Variants in NR5A2 observed in about 807,000 individuals in gnomAD.
NR5A2 encodes the protein CYP7A promoter-binding factor.
A neutral mutation model predicts 62.7 loss-of-function variants in NR5A2; 26 were observed. The ratio of observed to expected loss-of-function variants is 0.41; its 90% CI spans 0.30 to 0.58. NR5A2 has a LOEUF of 0.58. Ranked by LOEUF, NR5A2 falls within the 20% of genes least tolerant of loss-of-function variation. The pLI is 0.22. For synonymous variants in NR5A2, 246 were observed against 241.7 expected, an observed-to-expected ratio of 1.02 and a Z score of -0.16; for missense variants, 541 against 669.1, an observed-to-expected ratio of 0.81 and a Z score of 2.11.
chr1:200,028,217 A>C (rs76470936), intron 1 of NR5A2, among the ~76,000 whole-genome samples: 4,493 of 152,186 alleles, frequency 0.03, 216 homozygotes, highest in African/African-American at 0.098. Context: ...ATTTTCTGAT[A>C]ATTTTTAATC....
At chr1:200,056,214 C>T (rs1662911780) in intron 5 of NR5A2, among the ~76,000 whole-genome samples, 1 of 152,212 alleles carries the variant, frequency 6.6e-6, no homozygotes, top group Non-Finnish European at 1.5e-5. Flanking sequence ...TTCTTGCTCA[C>T]AATTCACTGA....
At chr1:200,140,285 C>T (rs1667391005) in intron 7 of NR5A2, among the ~76,000 whole-genome samples, 1 of 151,998 alleles carries the variant, frequency 6.6e-6, no homozygotes, top group African/African-American at 2.4e-5. Flanking sequence ...CTATGTTGCC[C>T]AGGCTGGTCT....
intron 7 of NR5A2, among the ~76,000 whole-genome samples, chr1:200,161,120 C>G (rs1399361385): frequency 6.6e-6 from 1 of 152,086 alleles, no homozygotes; most frequent in Non-Finnish European, 1.5e-5. Flanking sequence ...AAGGCAGCTG[C>G]AATTGTGTCT....
intron 5 of NR5A2, among the ~76,000 whole-genome samples, chr1:200,081,865 A>G (rs901708791): frequency 1.3e-5 from 2 of 150,232 alleles, no homozygotes; most frequent in African/African-American, 4.9e-5. Context: ...TCTCCCTGAC[A>G]CTTTGTATTT....
At chr1:200,072,844 G>A (rs1663801251) in intron 5 of NR5A2, among the ~76,000 whole-genome samples, 1 of 152,114 alleles carries the variant, frequency 6.6e-6, no homozygotes, top group Admixed American at 6.5e-5. Context: ...ATCTCCATGA[G>A]CCTTGTATTC....
chr1:200,074,674 C>T (rs1663927365), intron 5 of NR5A2, among the ~76,000 whole-genome samples: 1 of 139,602 alleles, frequency 7.2e-6, no homozygotes, highest in African/African-American at 2.7e-5. Context: ...GAGGTGGAGC[C>T]TGCAGTGAGC....
intron 7 of NR5A2, among the ~76,000 whole-genome samples, chr1:200,166,509 A>G (rs1338979052): frequency 6.6e-6 from 1 of 152,236 alleles, no homozygotes; most frequent in African/African-American, 2.4e-5. Context: ...AAAACCATTC[A>G]TTCGCATATC....
At chr1:200,105,299 A>G (rs1665594339) in intron 5 of NR5A2, among the ~76,000 whole-genome samples, 1 of 151,980 alleles carries the variant, frequency 6.6e-6, no homozygotes, top group Admixed American at 6.6e-5. Flanking sequence ...TTCCAAGAGC[A>G]TTCTAACAGG....
chr1:200,097,150 C>T (rs190579427), intron 5 of NR5A2, among the ~76,000 whole-genome samples: 2 of 152,270 alleles, frequency 1.3e-5, no homozygotes, highest in African/African-American at 4.8e-5. Flanking sequence ...AATATCAAAC[C>T]CATTTTCTCT....
intron 7 of NR5A2, among the ~76,000 whole-genome samples, chr1:200,159,192 G>A (rs1387444613): frequency 6.6e-6 from 1 of 152,000 alleles, no homozygotes; most frequent in Non-Finnish European, 1.5e-5. Context: ...ACTGTGTCTG[G>A]CCATGTATTT....
At chr1:200,161,871 T>C (rs889104177) in intron 7 of NR5A2, among the ~76,000 whole-genome samples, 1 of 152,260 alleles carries the variant, frequency 6.6e-6, no homozygotes, top group Non-Finnish European at 1.5e-5. Context: ...ATAAATGCAT[T>C]GGTTGTCTTT....
At chr1:200,146,920 C>G (rs1303188666) in intron 7 of NR5A2, among the ~76,000 whole-genome samples, 1 of 151,056 alleles carries the variant, frequency 6.6e-6, no homozygotes, top group Non-Finnish European at 1.5e-5. Context: ...GGATAGAGAA[C>G]GGAAAATGTA....
chr1:200,130,689 G>A (rs1441095096), intron 7 of NR5A2, among the ~76,000 whole-genome samples: 3 of 152,196 alleles, frequency 2.0e-5, no homozygotes, highest in African/African-American at 7.2e-5. Context: ...AGCAAAACCT[G>A]ATTTTCCTAT....
intron 5 of NR5A2, among the ~76,000 whole-genome samples, chr1:200,098,133 G>A (rs1665186560): frequency 6.6e-6 from 1 of 152,088 alleles, no homozygotes; most frequent in Admixed American, 6.6e-5. Context: ...ACTCCACCCT[G>A]CCGAGCTGTA....
chr1:200,082,924 C>G (rs977292034), intron 5 of NR5A2, among the ~76,000 whole-genome samples: 3 of 152,118 alleles, frequency 2.0e-5, no homozygotes, highest in Admixed American at 6.5e-5. Context: ...CTAAGATGAC[C>G]CTTCCAACAT....
chr1:200,060,078 G>C (rs1366788223), intron 5 of NR5A2, among the ~76,000 whole-genome samples: 1 of 152,152 alleles, frequency 6.6e-6, no homozygotes, highest in Admixed American at 6.5e-5. Context: ...TGGGCGCCCT[G>C]GCTGGCTTCA....
chr1:200,159,861 C>G (rs1328149957), intron 7 of NR5A2, among the ~76,000 whole-genome samples: 1 of 152,140 alleles, frequency 6.6e-6, no homozygotes, highest in African/African-American at 2.4e-5. Flanking sequence ...CCATGTTGCC[C>G]AAGCTGGTCT....
At chr1:200,112,148 T>G (rs1352616609) in intron 6 of NR5A2, among the ~76,000 whole-genome samples, 1 of 151,976 alleles carries the variant, frequency 6.6e-6, no homozygotes, top group Non-Finnish European at 1.5e-5. Context: ...TGTTGCAGTG[T>G]GACCCATAAG....
intron 3 of NR5A2, chr1:200,044,595 TTTTG>T (rs918515587): frequency 2.9e-4 from 44 of 152,182 alleles, no homozygotes; most frequent in East Asian, 2.1e-3. Flanking sequence ...TCAAAGTTTT[TTTTG>T]TTTGTTTGTT....
Sources: allele counts gnomAD v4.1 joint callset (sites outside exome capture counted in the v4.1 genomes callset), GRCh38; gene constraint gnomAD v4.1.1; transcripts MANE v1.5; gene names NCBI Gene and HGNC (gene_info 2026-07-23, HGNC 2026-07-21).